The following ASTN2 variants were observed in gnomAD, a reference collection of about 807,000 sequenced individuals.
ASTN2 encodes astrotactin-2.
ASTN2 carries 54 observed loss-of-function variants against 139.8 expected under a neutral mutation model. The ratio of observed to expected loss-of-function variants is 0.39; its 90% CI spans 0.31 to 0.48. ASTN2 has a LOEUF of 0.48. Among genes scored for constraint, ASTN2 ranks in the 20% least tolerant of loss-of-function variants. The pLI is 0.95. For synonymous variants in ASTN2, 756 were observed against 719.5 expected (o/e 1.05, Z -0.81); for missense variants, 1,565 against 1,725.1 (o/e 0.91, Z 1.64).
At chr9:116,480,991 G>A (rs2119056281) in intron 20 of ASTN2, among the ~76,000 whole-genome samples, 1 of 152,318 alleles carries the variant, frequency 6.6e-6, no homozygotes. Context: ...GGTAAGCACT[G>A]ACAATGAGCT....
intron 7 of ASTN2, among the ~76,000 whole-genome samples, chr9:116,982,372 C>T (rs185286307): frequency 6.2e-4 from 95 of 152,230 alleles, no homozygotes; most frequent in African/African-American, 2.2e-3. Flanking sequence ...TTTCTTCTTG[C>T]TGAGAACACA....
intron 16 of ASTN2, among the ~76,000 whole-genome samples, chr9:116,713,557 C>T (rs978484413): frequency 2.0e-5 from 3 of 152,150 alleles, no homozygotes; most frequent in Non-Finnish European, 4.4e-5. Context: ...TTTCGCTCTT[C>T]CTGACTAAGT....
chr9:117,373,559 T>G (rs531312543), intron 1 of ASTN2, among the ~76,000 whole-genome samples: 8 of 152,302 alleles, frequency 5.3e-5, no homozygotes, highest in Non-Finnish European at 2.9e-5. Flanking sequence ...AAGGCCTCTT[T>G]TGAAGGGGAA....
chr9:116,888,670 G>GCGC (rs1833680173), intron 10 of ASTN2, among the ~76,000 whole-genome samples: 1 of 151,170 alleles, frequency 6.6e-6, no homozygotes, highest in Middle Eastern at 3.4e-3. Flanking sequence ...TTACAGGCAC[G>GCGC]CGCCACCACA....
At chr9:117,396,845 C>T (rs1193881132) in intron 1 of ASTN2, among the ~76,000 whole-genome samples, 5 of 151,842 alleles carry the variant, frequency 3.3e-5, no homozygotes, top group Non-Finnish European at 7.4e-5. Context: ...GGATTACAGG[C>T]GTGAGCCACC....
At chr9:116,850,722 A>T (rs1419738117) in intron 11 of ASTN2, among the ~76,000 whole-genome samples, 1 of 152,158 alleles carries the variant, frequency 6.6e-6, no homozygotes, top group Non-Finnish European at 1.5e-5. Context: ...TGAACTCAAG[A>T]TGTAACATTT....
chr9:116,866,956 G>C (rs1210522758), intron 10 of ASTN2, among the ~76,000 whole-genome samples: 1 of 150,646 alleles, frequency 6.6e-6, no homozygotes, highest in Non-Finnish European at 1.5e-5. Context: ...AGATAAACAG[G>C]TAGAGAAACT....
At chr9:117,134,266 TTATATATATA>T (rs5900267) in intron 4 of ASTN2, among the ~76,000 whole-genome samples, 1,612 of 92,586 alleles carry the variant, frequency 0.017, 58 homozygotes, top group Admixed American at 0.096. Context: ...CTAATGAAAA[TTATATATATA>T]TATATATATA....
At chr9:116,717,026 T>A (rs535741024) in intron 16 of ASTN2, among the ~76,000 whole-genome samples, 6 of 152,334 alleles carry the variant, frequency 3.9e-5, no homozygotes, top group African/African-American at 1.4e-4. Flanking sequence ...TGGGTTCAAA[T>A]CCCTGCTTTG....
At chr9:117,024,999 T>TTCTGCCTTGATTG (rs1319382716) in intron 6 of ASTN2, among the ~76,000 whole-genome samples, 1 of 152,158 alleles carries the variant, frequency 6.6e-6, no homozygotes, top group Non-Finnish European at 1.5e-5. Context: ...TTGCTCCTCC[T>TTCTGCCTTGATTG]TGCCTTCTGC....
chr9:117,314,718 CAT>C (rs1314566946), intron 1 of ASTN2, among the ~76,000 whole-genome samples: 1 of 144,368 alleles, frequency 6.9e-6, no homozygotes, highest in Non-Finnish European at 1.5e-5. Context: ...TATATAATCA[CAT>C]ATAATTATAT....
intron 19 of ASTN2, among the ~76,000 whole-genome samples, chr9:116,586,833 C>CACACACACACACAT (rs528492988): frequency 0.012 from 1,401 of 118,056 alleles, 35 homozygotes; most frequent in African/African-American, 0.037. Context: ...CACATACATA[C>CACACACACACACAT]ACACACACAC....
chr9:116,746,371 C>T (rs970358815), intron 13 of ASTN2, among the ~76,000 whole-genome samples: 1 of 151,926 alleles, frequency 6.6e-6, no homozygotes, highest in African/African-American at 2.4e-5. Flanking sequence ...CAGGCTTGAG[C>T]CACCATGCCC....
intron 2 of ASTN2, among the ~76,000 whole-genome samples, chr9:117,268,631 CA>C (rs1352525053): frequency 6.6e-6 from 1 of 152,192 alleles, no homozygotes. Context: ...GTGCTTAACA[CA>C]AGACCTTGTG....
At chr9:116,534,231 G>T (rs200625627) in intron 19 of ASTN2, among the ~76,000 whole-genome samples, 2 of 151,824 alleles carry the variant, frequency 1.3e-5, no homozygotes, top group Non-Finnish European at 1.5e-5. Context: ...TTTTTATTGC[G>T]TCTATTAGAT....
At chr9:116,842,989 A>C (rs1043407530) in intron 11 of ASTN2, among the ~76,000 whole-genome samples, 1 of 151,998 alleles carries the variant, frequency 6.6e-6, no homozygotes, top group Non-Finnish European at 1.5e-5. Context: ...GCAGGGTCCA[A>C]CCCTCAGTAT....
intron 20 of ASTN2, among the ~76,000 whole-genome samples, chr9:116,478,218 G>GT (rs1849052696): frequency 8.8e-6 from 1 of 113,546 alleles, no homozygotes; most frequent in East Asian, 3.2e-4. Flanking sequence ...GGGAGGGGTA[G>GT]TGGGGGAGTA....
At chr9:116,757,979 T>G (rs1458759643) in intron 13 of ASTN2, among the ~76,000 whole-genome samples, 1 of 152,182 alleles carries the variant, frequency 6.6e-6, no homozygotes, top group Non-Finnish European at 1.5e-5. Context: ...GTTGAATGAA[T>G]GAATGAATGA....
intron 16 of ASTN2, among the ~76,000 whole-genome samples, chr9:116,656,682 C>CAAAAA (rs33989865): frequency 1.8e-5 from 2 of 109,918 alleles, no homozygotes; most frequent in African/African-American, 3.5e-5. Flanking sequence ...TTGTTGCCAC[C>CAAAAA]AAAAAAAAAA....
Sources: allele counts gnomAD v4.1 joint callset (sites outside exome capture counted in the v4.1 genomes callset), GRCh38; gene constraint gnomAD v4.1.1; transcripts MANE v1.5; gene names NCBI Gene and HGNC (gene_info 2026-07-23, HGNC 2026-07-21).